Variants in TOX2 observed in about 807,000 individuals in gnomAD.
TOX2 encodes the protein TOX high mobility group box family member 2.
In TOX2, 15 loss-of-function variants were observed where a neutral mutation model predicts 47.4. The observed-to-expected ratio is 0.32, with a 90% CI of 0.21 to 0.49. TOX2 has a LOEUF of 0.49. Ranked by LOEUF, TOX2 falls within the 20% of genes least tolerant of loss-of-function variation. The pLI is 0.99. For synonymous variants in TOX2, 290 were observed against 296.6 expected (o/e 0.98, Z 0.23); for missense variants, 622 against 673.1 (o/e 0.92, Z 0.84).
rs1438164453 is a variant in TOX2 at position 43,916,091 on chromosome 20, C to T, written c.99+1101C>T. On this transcript the variant is annotated intron_variant, in intron 1 of 8. Coordinates refer to ENST00000341197, the MANE Select transcript of TOX2 (RefSeq NM_001098797.2). The surrounding 1 kb of genome is among the most constrained non-coding windows in gnomAD (Gnocchi z 5.0). Reference sequence around the variant, plus strand: ...TCCGCGCGTCCGCCAGTCGGTGCGTCGGTCCCGGGCCGGCTGGAGCCAAGC... The same window carrying T: ...TCCGCGCGTCCGCCAGTCGGTGCGTTGGTCCCGGGCCGGCTGGAGCCAAGC... 2 of 980,894 alleles carry T rather than the reference C, an allele frequency of 2.0e-6. No individual in the cohort carries two copies. Among genetic ancestry groups the T allele is most frequent in the Non-Finnish European group, 2.4e-6 (2 of 825,898 alleles). 60.8% of individuals were successfully genotyped at this position (980,894 alleles called of 1,614,324 possible).
At chr20:44,009,709 T>C (rs910312831) in intron 3 of TOX2, among the ~76,000 whole-genome samples, 1 of 152,240 alleles carries the variant, frequency 6.6e-6, no homozygotes. Context: ...TGTACCGTAC[T>C]TGCTTACTGG....
chr20:43,968,901 G>GA (rs1339949243), intron 1 of TOX2, among the ~76,000 whole-genome samples: 1 of 152,146 alleles, frequency 6.6e-6, no homozygotes, highest in Non-Finnish European at 1.5e-5. Flanking sequence ...TGTGTGGTAT[G>GA]AAAAAAAGAT....
chr20:44,054,338 A>G lies in TOX2; in HGVS notation c.691A>G (p.Lys231Glu). 6.2e-7 allele frequency: 1 copy of G among 1,612,988 alleles called. No homozygotes were observed. Among genetic ancestry groups the G allele is most frequent in the Admixed American group, 1.7e-5 (1 of 59,758 alleles). Reference sequence around the variant, plus strand: ...GAGACCTTCAGCCGACCCAGGAAAAAAGGCCAAGAACCCGAAGAAGAAGAA... The same window carrying G: ...GAGACCTTCAGCCGACCCAGGAAAAGAGGCCAAGAACCCGAAGAAGAAGAA... ...EKRPSADPGK[K>E]AKNPKKKKKK... The change falls in exon 5 of 9, where the codon AAG (lysine) becomes GAG (glutamate). Residue 231 changes from lysine to glutamate, a missense_variant. This residue lies in a region of TOX2 where 307 missense variants were observed against 327.3 expected (regional missense o/e 0.94). Coordinates refer to ENST00000341197, the MANE Select transcript of TOX2 (RefSeq NM_001098797.2).
intron 1 of TOX2, chr20:43,945,933 G>A: frequency 3.1e-6 from 5 of 1,613,652 alleles, no homozygotes; most frequent in Non-Finnish European, 4.2e-6. Flanking sequence ...CTCGCACAGA[G>A]GCTGTCGCGG....
intron 2 of TOX2, among the ~76,000 whole-genome samples, chr20:43,982,806 G>C (rs974837113): frequency 1.3e-5 from 2 of 150,538 alleles, no homozygotes; most frequent in East Asian, 2.0e-4. Flanking sequence ...ACAATCAGCA[G>C]GGGTCTGAAT....
chr20:43,932,783 C>CTCCG (rs11283632), intron 1 of TOX2, among the ~76,000 whole-genome samples: 1 of 148,974 alleles, frequency 6.7e-6, no homozygotes, highest in Non-Finnish European at 1.5e-5. Flanking sequence ...TGCCCCCCCC[C>CTCCG]GCCATTTCTG....
At chr20:44,053,540 CTATATATATACATATATACTATA>C (rs1172463524) in intron 4 of TOX2, among the ~76,000 whole-genome samples, 1 of 47,210 alleles carries the variant, frequency 2.1e-5, no homozygotes, top group East Asian at 1.1e-3. Flanking sequence ...TACATATATA[CTATATATATACATATATACTATA>C]TATACACACA....
chr20:43,989,539 G>T (rs1386201600), intron 2 of TOX2, among the ~76,000 whole-genome samples: 1 of 152,124 alleles, frequency 6.6e-6, no homozygotes, highest in East Asian at 1.9e-4. Flanking sequence ...TAGCACTTTG[G>T]GAGGCCCAGA....
chr20:44,000,877 T>C (rs544099106), intron 2 of TOX2, among the ~76,000 whole-genome samples: 10 of 152,202 alleles, frequency 6.6e-5, no homozygotes, highest in South Asian at 4.2e-4. Flanking sequence ...GAGGATGAAC[T>C]AATTATATCA....
Position 44,015,924 on chromosome 20 carries a change from C to T in TOX2, c.411+9132C>T, listed in dbSNP as rs147235419. On this transcript the variant is annotated intron_variant, in intron 3 of 8. Coordinates refer to ENST00000341197, the MANE Select transcript of TOX2 (RefSeq NM_001098797.2). The stretch of plus-strand genomic sequence containing the variant: ...TAAAAATTCACTCCCTGTTAAAACT[C>T]AGGCCAGTGATAAGCTAACACGCAG... 2.9e-4 allele frequency among the ~76,000 whole-genome samples: 44 copies of T among 152,236 alleles called. No homozygotes were observed. The East Asian group carries it at 8.3e-3, about 29-fold the overall frequency.
chr20:43,980,789 T>G (rs1431255502), intron 2 of TOX2, among the ~76,000 whole-genome samples: 1 of 152,080 alleles, frequency 6.6e-6, no homozygotes, highest in Non-Finnish European at 1.5e-5. Flanking sequence ...ATTTAAAGCC[T>G]CAGAAGAAAA....
intron 2 of TOX2, among the ~76,000 whole-genome samples, chr20:43,998,231 G>C (rs1334247871): frequency 6.6e-6 from 1 of 152,186 alleles, no homozygotes; most frequent in Non-Finnish European, 1.5e-5. Flanking sequence ...CAGCCCCCAT[G>C]ATCCAATCAC....
intron 2 of TOX2, among the ~76,000 whole-genome samples, chr20:43,990,516 G>T (rs1217785090): frequency 6.6e-6 from 1 of 152,204 alleles, no homozygotes; most frequent in Non-Finnish European, 1.5e-5. Context: ...AGGCAGTAGG[G>T]TATTGTGGAA....
intron 1 of TOX2, among the ~76,000 whole-genome samples, chr20:43,942,622 G>A (rs8120445): frequency 1.3e-5 from 2 of 152,154 alleles, no homozygotes; most frequent in African/African-American, 2.4e-5. Context: ...GGAATTCAAG[G>A]CTGCAGTAAG....
chr20:43,980,681 T>A (rs940871730), intron 2 of TOX2, among the ~76,000 whole-genome samples: 6 of 151,958 alleles, frequency 3.9e-5, no homozygotes, highest in African/African-American at 1.2e-4. Context: ...AAATGTTAAA[T>A]CAAACATTTA....
chr20:43,949,454 G>C (rs2069523302), intron 1 of TOX2, among the ~76,000 whole-genome samples: 1 of 152,196 alleles, frequency 6.6e-6, no homozygotes, highest in Non-Finnish European at 1.5e-5. Context: ...GTGGTTGGTT[G>C]TCTTTTGTAA....
In TOX2 at chr20:44,065,822, G is replaced by A. The variant is rs148482710; in HGVS notation, c.1071G>A (p.Thr357=). Residue 357 remains threonine (T), a synonymous_variant, in exon 7 of 9, where the codon ACG becomes ACA. Coordinates refer to ENST00000341197, the MANE Select transcript of TOX2 (RefSeq NM_001098797.2). ...TGCCAGGCCTGGCCTCCTTCCTGAC[G>A]CCGTCGGACCTGCAGGCCTTCCGCA... ...YAMPGLASFL[T]PSDLQAFRSG... 250 of 1,613,842 alleles carry A rather than the reference G, an allele frequency of 1.5e-4. No individual in the cohort carries two copies. In the East Asian group the frequency reaches 3.0e-3, roughly 19 times the overall value.
chr20:44,036,456 C>G (rs1299630506), intron 3 of TOX2, among the ~76,000 whole-genome samples: 1 of 152,242 alleles, frequency 6.6e-6, no homozygotes, highest in Non-Finnish European at 1.5e-5. Context: ...GTTTCCTCAT[C>G]TGTAAAATGT....
chr20:43,984,071 T>G (rs143721794), intron 2 of TOX2, among the ~76,000 whole-genome samples: 1 of 152,222 alleles, frequency 6.6e-6, no homozygotes, highest in Non-Finnish European at 1.5e-5. Context: ...CGATTCATAT[T>G]AAAATGAAAT....
Sources: gnomAD v4.1 joint callset for allele counts (sites outside exome capture counted in the v4.1 genomes callset) on GRCh38, gnomAD v4.1.1 for gene constraint, gnomAD v4.1.1 regional missense constraint, Gnocchi (gnomAD v3.1) non-coding constraint, MANE v1.5 for transcripts, NCBI Gene and HGNC (gene_info 2026-07-23, HGNC 2026-07-21) for gene names.